NRXN1: variants seen among roughly 807,000 people sequenced by gnomAD.
NRXN1 encodes neurexin-1.
In NRXN1, 39 loss-of-function variants were observed where a neutral mutation model predicts 150.9. That is an observed-to-expected ratio of 0.26 (90% confidence interval 0.20 to 0.34). The LOEUF (loss-of-function observed/expected upper bound fraction) is 0.34. Among genes scored for constraint, NRXN1 ranks in the 10% least tolerant of loss-of-function variants. NRXN1 has a pLI of 1.00. For synonymous variants in NRXN1, 924 were observed against 757.0 expected, an observed-to-expected ratio of 1.22 and a Z score of -3.62; for missense variants, 1,815 against 1,949.9, an observed-to-expected ratio of 0.93 and a Z score of 1.30.
chr2:50,139,513 G>C (rs564601046), intron 18 of NRXN1, among the ~76,000 whole-genome samples: 1 of 151,886 alleles, frequency 6.6e-6, no homozygotes, highest in African/African-American at 2.4e-5. Context: ...AAAGTATGAC[G>C]GACAGCTGAA....
chr2:50,216,416 G>T (rs2063404970), intron 18 of NRXN1, among the ~76,000 whole-genome samples: 2 of 152,044 alleles, frequency 1.3e-5, no homozygotes, highest in South Asian at 4.1e-4. Flanking sequence ...GAAGTTGAAT[G>T]AGGATACTGT....
rs61658382 is a variant in NRXN1, at chr2:51,026,362, C to G, written c.772+1140G>C. ...CCACTGATTCGTCTTTTTCACACCA[C>G]TCACTCACTTTCTGTTAGAGGCTTT... On this transcript the variant is annotated intron_variant, in intron 2 of 22. Coordinates refer to ENST00000401669, the MANE Select transcript of NRXN1 (RefSeq NM_001330078.2). 1.3e-6 allele frequency: 2 copies of G among 1,554,668 alleles called. No homozygotes were observed. The highest frequency in any genetic ancestry group is 1.4e-5 in the African/African-American group (1 of 73,890).
At chr2:49,930,194 A>G (rs960484500) in intron 22 of NRXN1, among the ~76,000 whole-genome samples, 1 of 152,258 alleles carries the variant, frequency 6.6e-6, no homozygotes, top group Non-Finnish European at 1.5e-5. Flanking sequence ...CAAGGTGGAC[A>G]TGAAATTTAT....
intron 21 of NRXN1, among the ~76,000 whole-genome samples, chr2:50,010,785 C>T (rs913734683): frequency 6.6e-6 from 1 of 152,112 alleles, no homozygotes; most frequent in Admixed American, 6.6e-5. Context: ...CTGAGAAGCA[C>T]AACATAAAGT....
chr2:50,934,594 C>T (rs1688244995), intron 2 of NRXN1, among the ~76,000 whole-genome samples: 1 of 152,162 alleles, frequency 6.6e-6, no homozygotes, highest in Non-Finnish European at 1.5e-5. Context: ...GTGAAGCTTT[C>T]AGTCATTACA....
At chr2:50,139,958 T>A (rs915094152) in intron 18 of NRXN1, among the ~76,000 whole-genome samples, 2 of 152,168 alleles carry the variant, frequency 1.3e-5, no homozygotes, top group South Asian at 2.1e-4. Flanking sequence ...TAGTTTTTTT[T>A]AAAGACTGAT....
At chr2:50,618,083 T>C (rs971292766) in intron 8 of NRXN1, among the ~76,000 whole-genome samples, 7 of 152,138 alleles carry the variant, frequency 4.6e-5, no homozygotes, top group African/African-American at 1.7e-4. Flanking sequence ...TTTTCCAATC[T>C]AAGCAGGATT....
intron 2 of NRXN1, among the ~76,000 whole-genome samples, chr2:50,986,006 C>G (rs1013327013): frequency 6.6e-6 from 1 of 151,296 alleles, no homozygotes; most frequent in Non-Finnish European, 1.5e-5. Context: ...ACAAAAGTGA[C>G]CAATAAATAT....
At chr2:50,132,859 T>C (rs1350001963) in intron 18 of NRXN1, among the ~76,000 whole-genome samples, 1 of 147,612 alleles carries the variant, frequency 6.8e-6, no homozygotes, top group East Asian at 2.0e-4. Flanking sequence ...TTAGGGTCTT[T>C]TTTTTTTTTT....
At chr2:50,577,586 T>C (rs1392392610) in intron 8 of NRXN1, among the ~76,000 whole-genome samples, 2 of 152,092 alleles carry the variant, frequency 1.3e-5, no homozygotes, top group African/African-American at 4.8e-5. Flanking sequence ...GTTAACACCG[T>C]GTAAAAATGC....
At chr2:50,963,763 A>G (rs111943316) in intron 2 of NRXN1, among the ~76,000 whole-genome samples, 37 of 151,674 alleles carry the variant, frequency 2.4e-4, no homozygotes, top group African/African-American at 8.7e-4. Context: ...TATTCTGTTC[A>G]TGAAGAATGT....
At chr2:50,126,548 G>A (rs1268778680) in intron 18 of NRXN1, among the ~76,000 whole-genome samples, 1 of 152,036 alleles carries the variant, frequency 6.6e-6, no homozygotes, top group Non-Finnish European at 1.5e-5. Context: ...AAAATAGGAG[G>A]TGAATAATTT....
chr2:50,473,460 C>T (rs1455324428), intron 15 of NRXN1, among the ~76,000 whole-genome samples: 1 of 151,876 alleles, frequency 6.6e-6, no homozygotes, highest in Non-Finnish European at 1.5e-5. Flanking sequence ...AACTAAGTGA[C>T]TTTAGTAAAC....
At chr2:50,666,254 A>T (rs1688001039) in intron 5 of NRXN1, among the ~76,000 whole-genome samples, 2 of 151,960 alleles carry the variant, frequency 1.3e-5, no homozygotes, top group South Asian at 4.1e-4. Context: ...ATTGCTCAGT[A>T]GTATTTCTTG....
intron 17 of NRXN1, among the ~76,000 whole-genome samples, chr2:50,338,548 A>G (rs1223135370): frequency 6.6e-6 from 1 of 152,116 alleles, no homozygotes; most frequent in Non-Finnish European, 1.5e-5. Context: ...TTATAATTGA[A>G]AAGGATAACT....
intron 17 of NRXN1, among the ~76,000 whole-genome samples, chr2:50,272,783 TC>T (rs1167056254): frequency 1.3e-5 from 2 of 152,076 alleles, no homozygotes; most frequent in African/African-American, 4.8e-5. Context: ...TCATAAATTT[TC>T]CAGATTTAGA....
Position 50,335,087 on chromosome 2 carries a change from G to T in NRXN1, c.3365-98117C>A, listed in dbSNP as rs141155551. ...AAATAAAGTTGCTTCAAACTAGCAT[G>T]AAATTTTGTCTAATACACAGTCCCC... On this transcript the variant is annotated intron_variant, in intron 17 of 22. Coordinates refer to ENST00000401669, the MANE Select transcript of NRXN1 (RefSeq NM_001330078.2). Among the ~76,000 whole-genome samples, 221 of 152,236 alleles carry T rather than the reference G, an allele frequency of 1.5e-3. 3 individuals carry two copies. The East Asian group carries it at 0.038, about 26-fold the overall frequency.
At chr2:50,629,557 G>A (rs374731285) in intron 5 of NRXN1, among the ~76,000 whole-genome samples, 7 of 151,510 alleles carry the variant, frequency 4.6e-5, no homozygotes, top group African/African-American at 1.7e-4. Context: ...TGCTAAGCGT[G>A]TGAAAAATTA....
intron 21 of NRXN1, among the ~76,000 whole-genome samples, chr2:50,011,376 T>C (rs1477476009): frequency 6.6e-6 from 1 of 152,170 alleles, no homozygotes; most frequent in African/African-American, 2.4e-5. Context: ...GATTGGCAGA[T>C]ACACAGAAAT....
Sources: gnomAD v4.1 joint callset for allele counts (sites outside exome capture counted in the v4.1 genomes callset) on GRCh38, gnomAD v4.1.1 for gene constraint, MANE v1.5 for transcripts, NCBI Gene and HGNC (gene_info 2026-07-23, HGNC 2026-07-21) for gene names.